The following CUBN variants were observed in gnomAD, a reference collection of about 807,000 sequenced individuals.
CUBN encodes the protein cubilin, also known as 460 kDa receptor.
Under a neutral mutation model 405.3 loss-of-function variants are expected in CUBN, and 282 were observed. That is an observed-to-expected ratio of 0.70 (90% confidence interval 0.63 to 0.77). The LOEUF is 0.77. Ranked by LOEUF, CUBN falls within the 30% of genes least tolerant of loss-of-function variation. The pLI, the probability that CUBN is intolerant of heterozygous loss-of-function variation, is 0.00. For missense variants in CUBN, 4,514 were observed against 4,475.2 expected (o/e 1.01, Z -0.25); for synonymous variants, 1,684 against 1,617.0 (o/e 1.04, Z -0.99).
chr10:16,828,174 T>TA lies in CUBN; in HGVS notation c.10764+630dup, dbSNP rs200278237. Among the ~76,000 whole-genome samples the TA allele has an allele frequency of 3.4e-3, 508 of 151,478 alleles. 2 individuals are homozygous for TA. Among genetic ancestry groups the TA allele is most frequent in the African/African-American group, 9.8e-3 (405 of 41,208 alleles). ...TGACGTCACAGAGGGAGCTTTTTTTTAAAAAAACAGCGTGCTGTGACTCCT... is the reference window on the plus strand; with the variant it reads ...TGACGTCACAGAGGGAGCTTTTTTTTAAAAAAAACAGCGTGCTGTGACTCCT... On this transcript the variant is annotated intron_variant, in intron 66 of 66. Coordinates refer to ENST00000377833, the MANE Select transcript of CUBN (RefSeq NM_001081.4).
chr10:17,093,049 T>G (rs781151445), intron 14 of CUBN, among the ~76,000 whole-genome samples: 7 of 152,172 alleles, frequency 4.6e-5, no homozygotes, highest in Non-Finnish European at 8.8e-5. Context: ...GTATGTCCCA[T>G]ACACACTCAA....
At chr10:16,958,798 A>G (rs192953708) in intron 31 of CUBN, among the ~76,000 whole-genome samples, 146 of 152,292 alleles carry the variant, frequency 9.6e-4, no homozygotes, top group African/African-American at 3.4e-3. Context: ...TTCTCTTTAA[A>G]ATGCTCATGA....
In CUBN at chr10:17,126,854, T is replaced by G. The variant is rs1588661331; in HGVS notation, c.349-55A>C. On this transcript the variant is annotated intron_variant, in intron 3 of 66. Transcript: ENST00000377833. ...AGCTGGTTCAAAGGCATTGCACATGTGATGTTATATCCTTGACATATTGTC... is the reference window on the plus strand; with the variant it reads ...AGCTGGTTCAAAGGCATTGCACATGGGATGTTATATCCTTGACATATTGTC... 5.1e-6 allele frequency: 8 copies of G among 1,565,302 alleles called. No individual in the cohort carries two copies. In the East Asian group the frequency reaches 1.8e-4, roughly 35 times the overall value.
chr10:16,864,212 T>G (rs913012672), intron 59 of CUBN, among the ~76,000 whole-genome samples: 1 of 152,240 alleles, frequency 6.6e-6, no homozygotes, highest in Non-Finnish European at 1.5e-5. Context: ...TTAATCAGAA[T>G]GTAGCTTTTG....
At position 17,046,039 on chromosome 10, in the gene CUBN, G is replaced by A; in HGVS notation, c.3385C>T (p.Pro1129Ser). ...LLGIFYGSNLPPTIISHSNKL... is the reference protein window; with the variant it reads ...LLGIFYGSNLSPTIISHSNKL... The stretch of plus-strand genomic sequence containing the variant: ...TTACTATGAGAGATGATTGTTGGGG[G>A]TAGATTTGAGCCATAGAATATTCCC... Residue 1129 changes from proline (P) to serine (S), a missense_variant, in exon 24 of 67, where the codon CCC (proline) becomes TCC (serine). Around this residue, in one of 5 missense-constraint regions of CUBN, gnomAD observed 1,448 missense variants for 1,388.0 expected, o/e 1.04. Coordinates refer to ENST00000377833, the MANE Select transcript of CUBN (RefSeq NM_001081.4). The A allele has an allele frequency of 1.2e-6, 2 of 1,613,576 alleles. No homozygotes were observed. The highest frequency in any genetic ancestry group is 1.7e-6 in the Non-Finnish European group (2 of 1,179,618).
intron 6 of CUBN, 99 bp from the exon 7 acceptor site, chr10:17,115,696 C>A (rs1355068302): frequency 6.9e-7 from 1 of 1,446,914 alleles, no homozygotes; most frequent in African/African-American, 1.4e-5. Flanking sequence ...TACAAATCAA[C>A]GATGTTAACT....
chr10:16,867,375 C>T (rs1840217855), intron 59 of CUBN, among the ~76,000 whole-genome samples: 1 of 152,142 alleles, frequency 6.6e-6, no homozygotes, highest in African/African-American at 2.4e-5. Context: ...TCTTATTGTT[C>T]CTTCCCCCTC....
At chr10:16,947,633 G>A (rs1381876536) in intron 35 of CUBN, among the ~76,000 whole-genome samples, 4 of 152,160 alleles carry the variant, frequency 2.6e-5, no homozygotes, top group Non-Finnish European at 4.4e-5. Context: ...TAACTTTGAA[G>A]AATAAAAGAC....
chr10:16,847,280 A>C (rs767747571), intron 60 of CUBN, among the ~76,000 whole-genome samples: 1 of 152,040 alleles, frequency 6.6e-6, no homozygotes, highest in Non-Finnish European at 1.5e-5. Flanking sequence ...GTGAAACTTC[A>C]TCTCTACTAA....
At chr10:17,025,722 G>A (rs1834644798) in intron 27 of CUBN, among the ~76,000 whole-genome samples, 1 of 152,152 alleles carries the variant, frequency 6.6e-6, no homozygotes, top group Admixed American at 6.5e-5. Context: ...TCACTGGTAG[G>A]GCAGATGGGG....
Position 16,893,629 on chromosome 10 carries a change from T to C in CUBN, c.8599-3102A>G, listed in dbSNP as rs76558253. Among the ~76,000 whole-genome samples the C allele has an allele frequency of 5.2e-3, 790 of 152,294 alleles. 28 individuals carry two copies. In the East Asian group the frequency reaches 0.089, roughly 17 times the overall value. ...ATAAATGGAACAGCAGAGTATGTAATCTTTGGAGGCTGCCTTTTTTCACTT... is the reference window on the plus strand; with the variant it reads ...ATAAATGGAACAGCAGAGTATGTAACCTTTGGAGGCTGCCTTTTTTCACTT... On this transcript the variant is annotated intron_variant, in intron 54 of 66. Coordinates refer to ENST00000377833, the MANE Select transcript of CUBN (RefSeq NM_001081.4).
chr10:16,856,783 G>A (rs1839882078), intron 59 of CUBN, among the ~76,000 whole-genome samples: 1 of 152,102 alleles, frequency 6.6e-6, no homozygotes, highest in Non-Finnish European at 1.5e-5. Context: ...TTGACTTCAG[G>A]CCCTCTCCTG....
intron 28 of CUBN, among the ~76,000 whole-genome samples, chr10:16,995,818 CTTTTA>C (rs1291095261): frequency 6.6e-6 from 1 of 152,066 alleles, no homozygotes; most frequent in Admixed American, 6.5e-5. Flanking sequence ...TTCTCAAGTG[CTTTTA>C]TTTTATTTGA....
Position 16,835,195 on chromosome 10 carries a change from T to A in CUBN, c.10181A>T (p.Asp3394Val), listed in dbSNP as rs769284377. 7 of 1,612,944 alleles carry A rather than the reference T, an allele frequency of 4.3e-6. No homozygotes were observed. The Admixed American group carries it at 8.3e-5, about 19-fold the overall frequency. Reference protein sequence around the residue: ...SRMSFTYQIADCNRDYHKAFG... With the variant: ...SRMSFTYQIAVCNRDYHKAFG... ...TGCCTTGTGATAGTCTCTGTTGCAA[T>A]CTTAGAGGAAAAATAGGCATAATTA... Residue 3394 changes from aspartate to valine, a missense_variant and splice_region_variant, in exon 64 of 67, where the codon GAT becomes GTT. Transcript: ENST00000377833.
chr10:17,124,907 C>T (rs554431058), intron 4 of CUBN, among the ~76,000 whole-genome samples: 1 of 152,016 alleles, frequency 6.6e-6, no homozygotes. Flanking sequence ...TCTCAGCTCA[C>T]TGCAACCTCC....
chr10:17,018,913 G>A (rs1173733377), intron 28 of CUBN, among the ~76,000 whole-genome samples: 1 of 152,144 alleles, frequency 6.6e-6, no homozygotes, highest in African/African-American at 2.4e-5. Flanking sequence ...CAAACCTTTA[G>A]CTAGACAGAA....
At chr10:16,905,192 A>G (rs1254797979) in intron 50 of CUBN, among the ~76,000 whole-genome samples, 1 of 152,190 alleles carries the variant, frequency 6.6e-6, no homozygotes, top group East Asian at 1.9e-4. Flanking sequence ...ACTATTTACA[A>G]TATTATTGTC....
chr10:16,942,521 C>G (rs1490028242), intron 36 of CUBN, among the ~76,000 whole-genome samples: 1 of 151,962 alleles, frequency 6.6e-6, no homozygotes, highest in African/African-American at 2.4e-5. Context: ...AAATCAAAAC[C>G]ACAAAGAGAT....
intron 22 of CUBN, among the ~76,000 whole-genome samples, chr10:17,063,010 C>T (rs1456290750): frequency 1.3e-5 from 2 of 152,226 alleles, no homozygotes; most frequent in African/African-American, 4.8e-5. Flanking sequence ...GCAGCTCACT[C>T]TGACTCTGGC....
Sources: allele counts gnomAD v4.1 joint callset (sites outside exome capture counted in the v4.1 genomes callset), GRCh38; gene constraint gnomAD v4.1.1; regional missense constraint gnomAD v4.1.1; transcripts MANE v1.5; gene names NCBI Gene and HGNC (gene_info 2026-07-23, HGNC 2026-07-21).